Variants in ANKMY2 observed in about 807,000 individuals in gnomAD.
ANKMY2 encodes the protein ankyrin repeat and MYND domain containing 2.
A neutral mutation model predicts 50.4 loss-of-function variants in ANKMY2; 36 were observed. The observed-to-expected ratio is 0.71, with a 90% CI of 0.55 to 0.94. ANKMY2 has a LOEUF of 0.94. Among genes scored for constraint, ANKMY2 ranks in the 40% least tolerant of loss-of-function variants. The probability of loss-of-function intolerance (pLI) is 0.00; values close to 1 mark genes in which losing one functional copy is unlikely to be tolerated. For synonymous variants in ANKMY2, 187 were observed against 178.8 expected (o/e 1.05, Z -0.36); for missense variants, 565 against 524.0 (o/e 1.08, Z -0.76).
intron 4 of ANKMY2, among the ~76,000 whole-genome samples, chr7:16,619,454 T>C (rs149290120): frequency 9.2e-4 from 140 of 152,300 alleles, no homozygotes; most frequent in African/African-American, 3.2e-3. Context: ...GTGCCCGGCC[T>C]AATTATACCT....
At position 16,604,766 on chromosome 7, in the gene ANKMY2, G is replaced by T. The variant is rs897520336; in HGVS notation, c.966C>A (p.Thr322=). 5.0e-6 allele frequency: 8 copies of T among 1,613,944 alleles called. No homozygotes were observed. Among genetic ancestry groups the T allele is most frequent in the African/African-American group, 1.3e-5 (1 of 74,914 alleles). ...VGFVDVEFCT[T]CGEKGASKRC... Reference sequence around the variant, plus strand: ...TTTTACTTGCTCCCTTTTCTCCACAGGTAGTGCAAAATTCCACATCCACAA... The same window carrying T: ...TTTTACTTGCTCCCTTTTCTCCACATGTAGTGCAAAATTCCACATCCACAA... Residue 322 remains threonine, a synonymous_variant, in exon 8 of 10, where the codon ACC becomes ACA. Transcript: ENST00000306999.
At chr7:16,616,056 T>G (rs1447552138) in intron 4 of ANKMY2, 152 bp from the exon 5 acceptor site, 10 of 722,696 alleles carry the variant, frequency 1.4e-5, no homozygotes, top group Middle Eastern at 3.9e-4. Context: ...GGAGGAGAGA[T>G]AAAATATTTT....
chr7:16,642,610 T>C (rs550806791), intron 1 of ANKMY2, among the ~76,000 whole-genome samples: 8 of 152,126 alleles, frequency 5.3e-5, no homozygotes, highest in African/African-American at 1.2e-4. Flanking sequence ...CTAGAACTTA[T>C]TGTCTCATCT....
At chr7:16,622,806 C>T (rs1341216580) in intron 4 of ANKMY2, among the ~76,000 whole-genome samples, 3 of 151,696 alleles carry the variant, frequency 2.0e-5, no homozygotes, top group Non-Finnish European at 4.4e-5. Flanking sequence ...ACTCTATATC[C>T]TTTGTCTCAG....
At position 16,600,635 on chromosome 7, in the gene ANKMY2, T is replaced by A. The variant is rs533158554; in HGVS notation, c.*126A>T. The A allele has an allele frequency of 1.3e-6, 1 of 748,866 alleles. No individual in the cohort carries two copies. The highest frequency in any genetic ancestry group is 4.2e-5 in the South Asian group (1 of 23,934). The allele number at this position is 748,866 out of a possible 1,614,324, so 46.4% of individuals were successfully genotyped here. On this transcript the variant is annotated 3_prime_UTR_variant, in exon 10 of 10. Transcript: ENST00000306999. ...ACAGGGGTTTGCTTGAAAACCTGTA[T>A]TCTATGAAATGTGGAATCCTGCCAT... is the stretch of plus-strand genomic sequence containing the variant.
Position 16,610,824 on chromosome 7 carries a change from G to A in ANKMY2, c.532-61C>T, listed in dbSNP as rs112471263. The A allele has an allele frequency of 4.5e-5, 64 of 1,426,664 alleles. No homozygotes were observed. The African/African-American group carries it at 6.7e-4, about 15-fold the overall frequency. 88.4% of individuals were successfully genotyped at this position (1,426,664 alleles called of 1,614,324 possible). A position where few individuals can be genotyped will look rare whatever the true frequency, so the allele number is the denominator to read the frequency against. ...AGACACTTGTTCATGTACAAATTAG[G>A]TAGTCCATTTAGTTGATTTCAAAAG... On this transcript the variant is annotated intron_variant, in intron 5 of 9. Coordinates refer to ENST00000306999, the MANE Select transcript of ANKMY2 (RefSeq NM_020319.3).
intron 2 of ANKMY2, among the ~76,000 whole-genome samples, chr7:16,627,935 T>C (rs58512790): frequency 0.082 from 10,176 of 124,626 alleles, 98 homozygotes; most frequent in Non-Finnish European, 0.11. Flanking sequence ...TTTGGTCAAA[T>C]CACACATATA....
At chr7:16,625,814 T>G (rs17382618) in intron 3 of ANKMY2, among the ~76,000 whole-genome samples, 26,495 of 152,084 alleles carry the variant, frequency 0.17, 2,608 homozygotes, top group Middle Eastern at 0.26. Context: ...TTCTTAACAT[T>G]TGCCAGTATA....
intron 6 of ANKMY2, 151 bp from the exon 7 acceptor site, chr7:16,609,916 C>T: frequency 1.0e-6 from 1 of 975,038 alleles, no homozygotes; most frequent in Non-Finnish European, 1.5e-6. Context: ...AATTGCTGTT[C>T]AACCTATATG....
At chr7:16,643,858 T>A (rs1259829031) in intron 1 of ANKMY2, among the ~76,000 whole-genome samples, 4 of 136,852 alleles carry the variant, frequency 2.9e-5, no homozygotes, top group Non-Finnish European at 6.2e-5. Context: ...CACCACCCCA[T>A]CTCTACAAAA....
chr7:16,603,640 A>G (rs1475582203), intron 8 of ANKMY2: 3 of 471,072 alleles, frequency 6.4e-6, no homozygotes, highest in Non-Finnish European at 1.3e-5. Flanking sequence ...ACTTTCTCAC[A>G]TGATTTCAAA....
intron 2 of ANKMY2, among the ~76,000 whole-genome samples, chr7:16,628,454 T>C (rs1472505502): frequency 1.5e-5 from 2 of 134,078 alleles, no homozygotes; most frequent in African/African-American, 2.8e-5. Context: ...AAGCAGATGA[T>C]AACTTTGAAG....
intron 2 of ANKMY2, 120 bp from the exon 3 acceptor site, chr7:16,627,298 T>C: frequency 1.8e-6 from 1 of 561,418 alleles, no homozygotes; most frequent in South Asian, 3.6e-5. Flanking sequence ...GTCATTATAA[T>C]ATGTATTTTT....
Position 16,610,530 on chromosome 7 carries a change from G to A in ANKMY2, c.746+19C>T, listed in dbSNP as rs761802755. ...ATTCACTTGAGTGTATTTTATAAAC[G>A]ACATAGTAAAAAGAGTACCTTTTGA... On this transcript the variant is annotated intron_variant, in intron 6 of 9. Coordinates refer to ENST00000306999, the MANE Select transcript of ANKMY2 (RefSeq NM_020319.3). 5 of 1,565,452 alleles carry A rather than the reference G, an allele frequency of 3.2e-6. No homozygotes were observed. The highest frequency in any genetic ancestry group is 2.3e-5 in the East Asian group (1 of 44,082).
intron 6 of ANKMY2, 120 bp downstream of exon 6, chr7:16,610,429 A>G: frequency 1.4e-6 from 1 of 721,620 alleles, no homozygotes; most frequent in Non-Finnish European, 2.3e-6. Context: ...ACTAAATGTG[A>G]GTCCAACAAC....
At chr7:16,605,845 G>A (rs1781150536) in intron 7 of ANKMY2, among the ~76,000 whole-genome samples, 1 of 151,884 alleles carries the variant, frequency 6.6e-6, no homozygotes, top group Non-Finnish European at 1.5e-5. Context: ...ACCACGCCCG[G>A]CTAATTTTTT....
At position 16,609,710 on chromosome 7, in the gene ANKMY2, T is replaced by C. The variant is rs775110816; in HGVS notation, c.802A>G (p.Arg268Gly). 6.2e-7 allele frequency: 1 copy of C among 1,612,596 alleles called. No individual in the cohort carries two copies. The highest frequency in any genetic ancestry group is 8.5e-7 in the Non-Finnish European group (1 of 1,179,606). ...GFPVYQEKIIRESIRKFPYCE... is the reference protein window; with the variant it reads ...GFPVYQEKIIGESIRKFPYCE... ...TAAGGAAATTTTCTGATACTTTCTC[T>C]AATGATCTTTTCTTGATACACTGGA... The change falls in exon 7 of 10, where the codon AGA (arginine) becomes GGA (glycine). Residue 268 changes from arginine to glycine, a missense_variant. By Grantham distance (125) the Arg-to-Gly change is moderately radical. Transcript: ENST00000306999.
intron 4 of ANKMY2, among the ~76,000 whole-genome samples, chr7:16,621,851 C>A (rs1049717751): frequency 2.0e-5 from 3 of 152,030 alleles, no homozygotes; most frequent in African/African-American, 7.2e-5. Flanking sequence ...TACCTGTAGT[C>A]CCAGCTACAT....
At chr7:16,601,259 T>C (rs1362033343) in intron 9 of ANKMY2, among the ~76,000 whole-genome samples, 1 of 152,222 alleles carries the variant, frequency 6.6e-6, no homozygotes, top group Non-Finnish European at 1.5e-5. Flanking sequence ...TTTCTGTGAA[T>C]TTATTTGATG....
Sources: gnomAD v4.1 joint callset for allele counts (sites outside exome capture counted in the v4.1 genomes callset) on GRCh38, gnomAD v4.1.1 for gene constraint, MANE v1.5 for transcripts, NCBI Gene and HGNC (gene_info 2026-07-23, HGNC 2026-07-21) for gene names.